The following FHDC1 variants were observed in gnomAD, a reference collection of about 807,000 sequenced individuals.
The protein encoded by FHDC1 is FH2 domain-containing protein 1.
A neutral mutation model predicts 52.6 loss-of-function variants in FHDC1; 25 were observed. That is an observed-to-expected ratio of 0.48 (90% CI 0.35 to 0.66). The LOEUF (loss-of-function observed/expected upper bound fraction) is 0.66. Among genes scored for constraint, FHDC1 ranks in the 30% least tolerant of loss-of-function variants. The probability of loss-of-function intolerance (pLI) is 0.01; values close to 1 mark genes in which losing one functional copy is unlikely to be tolerated. For synonymous variants in FHDC1, 616 were observed against 581.5 expected, an observed-to-expected ratio of 1.06 and a Z score of -0.85; for missense variants, 1,459 against 1,452.8, an observed-to-expected ratio of 1.00 and a Z score of -0.07.
At chr4:152,930,762 C>G in the FHDC1 span, among the ~76,000 whole-genome samples, 1 of 152,178 alleles carries the variant, frequency 6.6e-6, no homozygotes, top group African/African-American at 2.4e-5. Context: ...CTACCATACC[C>G]GAAGTATTTG....
At chr4:152,949,080 C>A (rs571151956) in intron 2 of FHDC1, among the ~76,000 whole-genome samples, 2 of 137,820 alleles carry the variant, frequency 1.5e-5, no homozygotes, top group African/African-American at 2.7e-5. Flanking sequence ...CAGAGCAAAA[C>A]CTTGTCTCAG....
chr4:152,961,329 C>T (rs146214396), intron 6 of FHDC1, among the ~76,000 whole-genome samples: 242 of 152,270 alleles, frequency 1.6e-3, no homozygotes, highest in African/African-American at 5.4e-3. Context: ...GGGTTCCTGA[C>T]GTTTCTGTTC....
At chr4:152,937,828 G>C (rs1212871527) in intron 1 of FHDC1, among the ~76,000 whole-genome samples, 2 of 152,172 alleles carry the variant, frequency 1.3e-5, no homozygotes, top group Non-Finnish European at 2.9e-5. Flanking sequence ...GCTGACCCCA[G>C]CGCGGCTCCC....
chr4:152,968,472 A>G (rs1740533735), intron 10 of FHDC1, among the ~76,000 whole-genome samples: 1 of 152,022 alleles, frequency 6.6e-6, no homozygotes, highest in Non-Finnish European at 1.5e-5. Flanking sequence ...GGCTACAGGC[A>G]TGCACCACCA....
At chr4:152,926,803 GA>G in the FHDC1 span, among the ~76,000 whole-genome samples, 4 of 141,680 alleles carry the variant, frequency 2.8e-5, no homozygotes, top group Non-Finnish European at 3.1e-5. Flanking sequence ...AACCCAATGG[GA>G]AAAAAAAAAC....
upstream of FHDC1, among the ~76,000 whole-genome samples, chr4:152,934,847 A>C (rs527967368): frequency 6.7e-4 from 102 of 152,298 alleles, no homozygotes; most frequent in African/African-American, 2.3e-3. Context: ...GGGGAGGCCC[A>C]CTGTCACGGG....
At chr4:152,941,130 G>T (rs963651643) in intron 1 of FHDC1, among the ~76,000 whole-genome samples, 1 of 152,206 alleles carries the variant, frequency 6.6e-6, no homozygotes, top group African/African-American at 2.4e-5. Flanking sequence ...AATAGCTGGA[G>T]ATGCCATTTT....
At chr4:152,942,258 G>A (rs1178475473) in intron 1 of FHDC1, among the ~76,000 whole-genome samples, 1 of 152,156 alleles carries the variant, frequency 6.6e-6, no homozygotes, top group Non-Finnish European at 1.5e-5. Flanking sequence ...ACTGAAGTCT[G>A]GTGAGGCAAA....
In FHDC1 at chr4:152,953,565, G is replaced by A; in HGVS notation, c.560+5G>A. ...ATTTCTTAAGCAATTTAAGAAGTAA[G>A]ATTTTGCACACATTTGAAACTTTAG... is the stretch of plus-strand genomic sequence containing the variant. On this transcript the variant is annotated splice_donor_5th_base_variant and intron_variant, in intron 3 of 11. Coordinates refer to ENST00000511601, the MANE Select transcript of FHDC1 (RefSeq NM_001371116.1). The A allele has an allele frequency of 2.5e-6, 4 of 1,610,034 alleles. No individual in the cohort carries two copies. The highest frequency in any genetic ancestry group is 3.4e-6 in the Non-Finnish European group (4 of 1,179,162).
the FHDC1 span, chr4:152,911,530 T>C: frequency 1.8e-4 from 27 of 152,712 alleles, no homozygotes; most frequent in African/African-American, 6.5e-4. Context: ...CCATTTTCAA[T>C]GTAAAGCTCT....
chr4:152,919,190 A>G, the FHDC1 span, among the ~76,000 whole-genome samples: 1 of 152,270 alleles, frequency 6.6e-6, no homozygotes, highest in South Asian at 2.1e-4. Context: ...GTGAAAATAC[A>G]TTGACTACTA....
Position 152,943,458 on chromosome 4 carries a change from T to A in FHDC1, c.401T>A (p.Ile134Asn). 1 of 1,614,038 alleles carries A rather than the reference T, an allele frequency of 6.2e-7. No homozygotes were observed. ...CACTACCAAATTGATACAAAGACCA[T>A]TGAGGAGCTCTTTGGGCAGCAGGAA... is the stretch of plus-strand genomic sequence containing the variant. ...EHHYQIDTKT[I>N]EELFGQQEDT... Residue 134 changes from isoleucine (I) to asparagine (N), a missense_variant, in exon 2 of 12, where the codon ATT becomes AAT. Coordinates refer to ENST00000511601, the MANE Select transcript of FHDC1 (RefSeq NM_001371116.1).
intron 2 of FHDC1, among the ~76,000 whole-genome samples, chr4:152,948,384 GATTC>G (rs1443465129): frequency 3.2e-4 from 49 of 152,200 alleles, no homozygotes; most frequent in Admixed American, 3.2e-3. Flanking sequence ...TAAGTAGCCA[GATTC>G]ATAGAGACAG....
intron 2 of FHDC1, among the ~76,000 whole-genome samples, chr4:152,949,481 A>C (rs764267601): frequency 6.6e-6 from 1 of 152,162 alleles, no homozygotes; most frequent in Non-Finnish European, 1.5e-5. Context: ...CCCTGTCTCT[A>C]AAAAAATAAA....
intron 11 of FHDC1, among the ~76,000 whole-genome samples, chr4:152,972,889 T>C (rs963554515): frequency 2.6e-5 from 4 of 152,202 alleles, no homozygotes; most frequent in Admixed American, 6.5e-5. Context: ...CCTGAATGTC[T>C]TTCTCTCCCG....
At chr4:152,935,702 C>G (rs985338724), upstream of FHDC1, among the ~76,000 whole-genome samples, 18 of 152,334 alleles carry the variant, frequency 1.2e-4, no homozygotes, top group African/African-American at 4.3e-4. Flanking sequence ...TTGCGAAGCT[C>G]TAGCGCAGCC....
chr4:152,950,660 A>G (rs1285181027), intron 2 of FHDC1, among the ~76,000 whole-genome samples: 1 of 152,200 alleles, frequency 6.6e-6, no homozygotes, highest in Non-Finnish European at 1.5e-5. Flanking sequence ...CCTGGGGAGA[A>G]CATGATTCCC....
At chr4:152,958,913 A>T (rs914654975) in intron 4 of FHDC1, among the ~76,000 whole-genome samples, 5 of 152,238 alleles carry the variant, frequency 3.3e-5, no homozygotes, top group African/African-American at 1.2e-4. Flanking sequence ...GTCCTAAAAG[A>T]AGAAAATAGT....
In FHDC1 at chr4:152,976,976, C is replaced by A; in HGVS notation, c.*253C>A. The A allele has an allele frequency of 6.7e-6, 2 of 298,168 alleles. No homozygotes were observed. Among genetic ancestry groups the A allele is most frequent in the Non-Finnish European group, 1.2e-5 (2 of 172,812 alleles). The allele number at this position is 298,168 out of a possible 1,614,324, so 18.5% of individuals were successfully genotyped here. ...GACGGCCGCACCTCCCCCATGCACCCCACCCTCCCCCAAAGCCCGGATCCC... is the reference window on the plus strand; with the variant it reads ...GACGGCCGCACCTCCCCCATGCACCACACCCTCCCCCAAAGCCCGGATCCC... On this transcript the variant is annotated 3_prime_UTR_variant, in exon 12 of 12. Coordinates refer to ENST00000511601, the MANE Select transcript of FHDC1 (RefSeq NM_001371116.1).
Sources: allele counts gnomAD v4.1 joint callset (sites outside exome capture counted in the v4.1 genomes callset), GRCh38; gene constraint gnomAD v4.1.1; transcripts MANE v1.5; gene names NCBI Gene and HGNC (gene_info 2026-07-23, HGNC 2026-07-21).